Variants in VPS13A observed in about 807,000 individuals in gnomAD.
VPS13A encodes the protein intermembrane lipid transfer protein VPS13A.
VPS13A carries 264 observed loss-of-function variants against 390.9 expected under a neutral mutation model. The observed-to-expected ratio is 0.68, with a 90% CI of 0.61 to 0.75. The LOEUF is 0.75. Ranked by LOEUF, VPS13A falls within the 30% of genes least tolerant of loss-of-function variation. The pLI is 0.00. For synonymous variants in VPS13A, 1,231 were observed against 1,227.1 expected (o/e 1.00, Z -0.07); for missense variants, 3,409 against 3,733.9 (o/e 0.91, Z 2.27).
intron 71 of VPS13A, among the ~76,000 whole-genome samples, chr9:77,415,481 A>G (rs1040617024): frequency 5.9e-5 from 9 of 152,188 alleles, no homozygotes; most frequent in Admixed American, 1.3e-4. Flanking sequence ...TGTGTATTAC[A>G]TTTACATTTT....
rs762810058 is a variant in VPS13A, at chr9:77,351,282, A to G, written c.7290-35A>G. The G allele has an allele frequency of 1.9e-6, 3 of 1,609,258 alleles. No homozygotes were observed. In the African/African-American group the frequency reaches 4.0e-5, roughly 22 times the overall value. On this transcript the variant is annotated intron_variant, in intron 52 of 71. Coordinates refer to ENST00000360280, the MANE Select transcript of VPS13A (RefSeq NM_033305.3). ...TTTTTTAATCTCTTCGTGTACTTGCATTTAATTTAACGCGTATTTTTGCTA... is the reference window on the plus strand; with the variant it reads ...TTTTTTAATCTCTTCGTGTACTTGCGTTTAATTTAACGCGTATTTTTGCTA...
intron 17 of VPS13A, among the ~76,000 whole-genome samples, chr9:77,233,337 C>G (rs1442724125): frequency 6.6e-6 from 1 of 151,404 alleles, no homozygotes; most frequent in Non-Finnish European, 1.5e-5. Flanking sequence ...ATATGTTAAC[C>G]TTTTCAAAGT....
At chr9:77,311,933 G>C (rs1028643097) in intron 35 of VPS13A, among the ~76,000 whole-genome samples, 1 of 152,038 alleles carries the variant, frequency 6.6e-6, no homozygotes, top group African/African-American at 2.4e-5. Context: ...GAAATGACAA[G>C]GGAAATTAAG....
chr9:77,263,431 G>A (rs1003158464), intron 23 of VPS13A, among the ~76,000 whole-genome samples: 22 of 152,020 alleles, frequency 1.4e-4, no homozygotes, highest in Admixed American at 1.3e-3. Flanking sequence ...TTTAATGACC[G>A]ACATTCTAAC....
chr9:77,351,970 T>C (rs1269095963), intron 53 of VPS13A, among the ~76,000 whole-genome samples: 1 of 152,240 alleles, frequency 6.6e-6, no homozygotes, highest in African/African-American at 2.4e-5. Flanking sequence ...GTCTTCAAAA[T>C]AGTATTCAAG....
intron 68 of VPS13A, among the ~76,000 whole-genome samples, chr9:77,387,245 A>G (rs1353839803): frequency 6.6e-6 from 1 of 152,192 alleles, no homozygotes; most frequent in Non-Finnish European, 1.5e-5. Context: ...TATATAGAAA[A>G]TGAATTTATA....
chr9:77,390,044 A>G (rs1251870367), intron 68 of VPS13A: 3 of 984,606 alleles, frequency 3.0e-6, no homozygotes, highest in East Asian at 1.1e-4. Flanking sequence ...CCTTTACTTC[A>G]GGAGGAGAAT....
Position 77,403,319 on chromosome 9 carries a change from A to C in VPS13A, c.9273A>C (p.Arg3091Ser), listed in dbSNP as rs1184899023. Residue 3091 changes from arginine to serine, a missense_variant and splice_region_variant, in exon 69 of 72, where the codon AGA becomes AGC. Transcript: ENST00000360280. ...INKTDMLMIT[R>S]RGVLFVTKGT... ...AGACAGATATGCTAATGATAACCAG[A>C]CGGTAACTTGCTTTCTTTCTCTTAC... is the stretch of plus-strand genomic sequence containing the variant. 3.7e-6 allele frequency: 6 copies of C among 1,609,976 alleles called. No individual in the cohort carries two copies. Among genetic ancestry groups the C allele is most frequent in the Non-Finnish European group, 5.1e-6 (6 of 1,178,406 alleles).
chr9:77,400,223 ATTTT>A (rs34605855), intron 68 of VPS13A, among the ~76,000 whole-genome samples: 9,571 of 88,052 alleles, frequency 0.11, 347 homozygotes, highest in South Asian at 0.16. Context: ...TATCAGTCAG[ATTTT>A]TTTTTTTTTT....
chr9:77,206,189 TATG>T lies in VPS13A; in HGVS notation c.385+113_385+115del, dbSNP rs1270201291. 1.6e-5 allele frequency: 13 copies of T among 826,690 alleles called. No individual in the cohort carries two copies. The East Asian group carries it at 3.7e-4, about 23-fold the overall frequency. 51.2% of individuals were successfully genotyped at this position (826,690 alleles called of 1,614,324 possible). On this transcript the variant is annotated intron_variant, in intron 5 of 71. Coordinates refer to ENST00000360280, the MANE Select transcript of VPS13A (RefSeq NM_033305.3). ...GGAGATGCTGAGATTATTTCAGAAATATGATAGAATCTCATTGCATGGGGAATT... is the reference window on the plus strand; with the variant it reads ...GGAGATGCTGAGATTATTTCAGAAATATAGAATCTCATTGCATGGGGAATT...
intron 23 of VPS13A, among the ~76,000 whole-genome samples, chr9:77,263,138 G>A (rs1031375717): frequency 5.5e-5 from 8 of 144,234 alleles, no homozygotes; most frequent in African/African-American, 1.8e-4. Context: ...ACGGAGTCTC[G>A]CTTTGTCGCC....
chr9:77,388,821 A>AC (rs1215721455), intron 68 of VPS13A, among the ~76,000 whole-genome samples: 2 of 152,196 alleles, frequency 1.3e-5, no homozygotes, highest in Admixed American at 6.5e-5. Context: ...TAACCTGTTA[A>AC]CTACATTATG....
At chr9:77,398,919 A>G (rs1346801975) in intron 68 of VPS13A, among the ~76,000 whole-genome samples, 1 of 149,570 alleles carries the variant, frequency 6.7e-6, no homozygotes, top group Non-Finnish European at 1.5e-5. Context: ...TCGCAAGAAC[A>G]AAAAACCAAA....
intron 45 of VPS13A, among the ~76,000 whole-genome samples, chr9:77,328,557 G>T (rs1830125463): frequency 6.6e-6 from 1 of 152,166 alleles, no homozygotes; most frequent in African/African-American, 2.4e-5. Context: ...GTCTAGTTTG[G>T]AAATCTGTTG....
At chr9:77,317,516 A>T in intron 39 of VPS13A, 90 bp from the exon 40 acceptor site, 1 of 960,790 alleles carries the variant, frequency 1.0e-6, no homozygotes, top group Non-Finnish European at 1.6e-6. Flanking sequence ...TAACTTGTTT[A>T]TTTGACATAC....
intron 68 of VPS13A, among the ~76,000 whole-genome samples, chr9:77,396,164 G>A (rs1298523628): frequency 6.6e-6 from 1 of 152,168 alleles, no homozygotes; most frequent in African/African-American, 2.4e-5. Flanking sequence ...GTCTGCTGTT[G>A]TCAGTACATA....
chr9:77,413,449 C>T (rs1835030831), intron 71 of VPS13A, among the ~76,000 whole-genome samples: 1 of 152,114 alleles, frequency 6.6e-6, no homozygotes, highest in Non-Finnish European at 1.5e-5. Context: ...TATCTACGAC[C>T]ATCTGATCTT....
In VPS13A at chr9:77,415,936, C is replaced by A; in HGVS notation, c.9475-20C>A. On this transcript the variant is annotated intron_variant, in intron 71 of 71. Transcript: ENST00000360280. Reference sequence around the variant, plus strand: ...AAGTTCACTGAAGTAAGCAAATGTTCATTTATTTTCCCACCGCAGTGGATC... The same window carrying A: ...AAGTTCACTGAAGTAAGCAAATGTTAATTTATTTTCCCACCGCAGTGGATC... The A allele has an allele frequency of 1.2e-6, 2 of 1,612,638 alleles. No homozygotes were observed. The highest frequency in any genetic ancestry group is 2.2e-5 in the South Asian group (2 of 90,946).
intron 51 of VPS13A, among the ~76,000 whole-genome samples, chr9:77,344,674 G>A (rs1209907005): frequency 4.6e-5 from 7 of 152,064 alleles, no homozygotes; most frequent in African/African-American, 9.6e-5. Flanking sequence ...CAGGAGAATG[G>A]TGTGAACCCG....
Sources: allele counts gnomAD v4.1 joint callset (sites outside exome capture counted in the v4.1 genomes callset), GRCh38; gene constraint gnomAD v4.1.1; transcripts MANE v1.5; gene names NCBI Gene and HGNC (gene_info 2026-07-23, HGNC 2026-07-21).